Variants in SYN3 observed in about 807,000 individuals in gnomAD.
The protein encoded by SYN3 is synapsin III.
Under a neutral mutation model 65.8 loss-of-function variants are expected in SYN3, and 35 were observed. The ratio of observed to expected loss-of-function variants is 0.53; its 90% CI spans 0.41 to 0.70. The LOEUF (loss-of-function observed/expected upper bound fraction) is 0.70. SYN3 is among the 30% of genes least tolerant of loss of function. The probability of loss-of-function intolerance (pLI) is 0.00; values close to 1 mark genes in which losing one functional copy is unlikely to be tolerated. For missense variants in SYN3, 680 were observed against 749.0 expected (o/e 0.91, Z 1.08); for synonymous variants, 270 against 292.9 (o/e 0.92, Z 0.80).
intron 4 of SYN3, among the ~76,000 whole-genome samples, chr22:32,880,245 G>A (rs778990064): frequency 5.9e-5 from 9 of 152,232 alleles, no homozygotes; most frequent in Non-Finnish European, 1.0e-4. Flanking sequence ...CCCCTGTAAA[G>A]TAGCTACTTC....
intron 6 of SYN3, among the ~76,000 whole-genome samples, chr22:32,819,180 G>A (rs1312570631): frequency 1.3e-5 from 2 of 152,232 alleles, no homozygotes; most frequent in Non-Finnish European, 2.9e-5. Flanking sequence ...GAGGAAATAA[G>A]CTGTGTTGGC....
chr22:32,644,824 G>C (rs1402559387), intron 6 of SYN3, among the ~76,000 whole-genome samples: 1 of 152,146 alleles, frequency 6.6e-6, no homozygotes, highest in Non-Finnish European at 1.5e-5. Context: ...CTGTGGCCTT[G>C]GTGGCTTTTC....
At chr22:32,650,738 T>C (rs548057637) in intron 6 of SYN3, among the ~76,000 whole-genome samples, 1 of 152,258 alleles carries the variant, frequency 6.6e-6, no homozygotes, top group South Asian at 2.1e-4. Flanking sequence ...TGAGAGAGTA[T>C]GCTCTGACTC....
At chr22:32,900,375 G>A (rs991828387) in intron 4 of SYN3, among the ~76,000 whole-genome samples, 2 of 152,166 alleles carry the variant, frequency 1.3e-5, no homozygotes, top group Non-Finnish European at 2.9e-5. Context: ...AAAGTTCCGG[G>A]CAAATTTCCT....
intron 7 of SYN3, among the ~76,000 whole-genome samples, chr22:32,545,058 G>T (rs1162374231): frequency 6.6e-6 from 1 of 152,218 alleles, no homozygotes; most frequent in Admixed American, 6.5e-5. Context: ...AGCGGAAGAG[G>T]TGTATGAACT....
chr22:32,649,328 T>C (rs2060028253), intron 6 of SYN3, among the ~76,000 whole-genome samples: 1 of 152,212 alleles, frequency 6.6e-6, no homozygotes, highest in Non-Finnish European at 1.5e-5. Context: ...AGAATAATTA[T>C]TTTTTAAGCC....
chr22:32,518,798 A>T (rs754515216), intron 12 of SYN3, among the ~76,000 whole-genome samples: 1 of 152,208 alleles, frequency 6.6e-6, no homozygotes, highest in Non-Finnish European at 1.5e-5. Flanking sequence ...GGGCTGCGTT[A>T]CGGACTGAAT....
At chr22:32,920,295 C>T (rs9609656) in intron 4 of SYN3, among the ~76,000 whole-genome samples, 20,233 of 152,182 alleles carry the variant, frequency 0.13, 1,897 homozygotes, top group East Asian at 0.46. Flanking sequence ...CCTGTATTTG[C>T]AATCCCTTCT....
At chr22:32,768,296 T>C (rs1385089318) in intron 6 of SYN3, among the ~76,000 whole-genome samples, 1 of 152,242 alleles carries the variant, frequency 6.6e-6, no homozygotes, top group African/African-American at 2.4e-5. Context: ...GTCTCATTTC[T>C]AGGCTGCTGG....
chr22:32,986,275 G>C (rs2052525256), intron 2 of SYN3, among the ~76,000 whole-genome samples: 1 of 152,142 alleles, frequency 6.6e-6, no homozygotes. Flanking sequence ...GGGTGTGTAC[G>C]AGGCCAACCT....
At chr22:32,561,072 TTGTGCCCACGATC>T (rs2064255095) in intron 7 of SYN3, among the ~76,000 whole-genome samples, 1 of 152,148 alleles carries the variant, frequency 6.6e-6, no homozygotes, top group Non-Finnish European at 1.5e-5. Flanking sequence ...GGAGGAGCAG[TTGTGCCCACGATC>T]AGAGTCCTTG....
chr22:32,617,878 C>G (rs1332776735), intron 6 of SYN3, among the ~76,000 whole-genome samples: 2 of 151,848 alleles, frequency 1.3e-5, no homozygotes, highest in African/African-American at 4.8e-5. Context: ...GGTGGGCGAC[C>G]TGCCTTCTCC....
At chr22:32,565,189 G>A (rs2058656068) in intron 7 of SYN3, among the ~76,000 whole-genome samples, 1 of 152,132 alleles carries the variant, frequency 6.6e-6, no homozygotes, top group Non-Finnish European at 1.5e-5. Flanking sequence ...CCCAAACAGT[G>A]CTCTCGGACT....
At chr22:32,978,084 A>T (rs956426021) in intron 3 of SYN3, among the ~76,000 whole-genome samples, 1 of 152,184 alleles carries the variant, frequency 6.6e-6, no homozygotes, top group Non-Finnish European at 1.5e-5. Context: ...CAAAGAACCT[A>T]ATTTGCTTTT....
At chr22:32,787,788 T>G (rs1433832055) in intron 6 of SYN3, among the ~76,000 whole-genome samples, 1 of 152,196 alleles carries the variant, frequency 6.6e-6, no homozygotes, top group Non-Finnish European at 1.5e-5. Context: ...TGGGGATGGC[T>G]GTGCTCCTCC....
intron 4 of SYN3, among the ~76,000 whole-genome samples, chr22:32,913,467 A>T (rs898213540): frequency 8.3e-5 from 12 of 144,860 alleles, no homozygotes; most frequent in South Asian, 4.4e-4. Flanking sequence ...CAAGTCTATT[A>T]TTTTTTTTTT....
intron 6 of SYN3, among the ~76,000 whole-genome samples, chr22:32,763,728 T>C (rs774001708): frequency 6.6e-6 from 1 of 152,070 alleles, no homozygotes; most frequent in Non-Finnish European, 1.5e-5. Flanking sequence ...GGAAACTTTT[T>C]TTCTGTTTGT....
intron 4 of SYN3, among the ~76,000 whole-genome samples, chr22:32,904,832 C>T (rs1019664774): frequency 3.9e-5 from 6 of 152,188 alleles, no homozygotes; most frequent in African/African-American, 9.7e-5. Flanking sequence ...CTCAGCCCTT[C>T]GCAATTGTCC....
At chr22:32,605,549 G>A (rs1166606972) in intron 6 of SYN3, among the ~76,000 whole-genome samples, 1 of 152,186 alleles carries the variant, frequency 6.6e-6, no homozygotes, top group Non-Finnish European at 1.5e-5. Context: ...TCTTCTGTGA[G>A]GTAGCTCCTA....
Sources: gnomAD v4.1 joint callset for allele counts (sites outside exome capture counted in the v4.1 genomes callset) on GRCh38, gnomAD v4.1.1 for gene constraint, MANE v1.5 for transcripts, NCBI Gene and HGNC (gene_info 2026-07-23, HGNC 2026-07-21) for gene names.